Variants in PI4KA observed in about 807,000 individuals in gnomAD.
The protein encoded by PI4KA is PI4-kinase alpha.
PI4KA carries 122 observed loss-of-function variants against 271.4 expected under a neutral mutation model. That is an observed-to-expected ratio of 0.45 (90% CI 0.39 to 0.52). The LOEUF (loss-of-function observed/expected upper bound fraction) is 0.52. PI4KA is among the 20% of genes least tolerant of loss of function. The pLI is 0.00. For missense variants in PI4KA, 1,969 were observed against 2,769.1 expected, an observed-to-expected ratio of 0.71 and a Z score of 6.48; for synonymous variants, 1,041 against 1,078.8, an observed-to-expected ratio of 0.96 and a Z score of 0.69.
intron 1 of PI4KA, among the ~76,000 whole-genome samples, chr22:20,856,643 A>G (rs1305896881): frequency 6.6e-6 from 1 of 152,084 alleles, no homozygotes; most frequent in African/African-American, 2.4e-5. Context: ...CATGTTGGCC[A>G]GGCTGGTCTC....
At chr22:20,710,415 G>T (rs1363155220) in intron 52 of PI4KA, 43 of 553,340 alleles carry the variant, frequency 7.8e-5, no homozygotes, top group Non-Finnish European at 1.1e-4. Flanking sequence ...GGTGGCAGGT[G>T]CTCAGGCTTT....
At chr22:20,725,690 T>C (rs1356135377) in intron 42 of PI4KA, 8 of 328,838 alleles carry the variant, frequency 2.4e-5, no homozygotes, top group Non-Finnish European at 4.5e-5. Flanking sequence ...AGCTCAGGAG[T>C]TTGAGACCAG....
intron 42 of PI4KA, among the ~76,000 whole-genome samples, chr22:20,723,146 G>A (rs1406964909): frequency 3.3e-5 from 5 of 150,918 alleles, no homozygotes; most frequent in East Asian, 4.0e-4. Flanking sequence ...TCAGCCTCCC[G>A]AGTAGCTGGG....
At chr22:20,750,828 G>C (rs1404583165) in intron 27 of PI4KA, among the ~76,000 whole-genome samples, 2 of 152,202 alleles carry the variant, frequency 1.3e-5, no homozygotes, top group Non-Finnish European at 1.5e-5. Flanking sequence ...GAGAGACCCA[G>C]TACATCCTCC....
In PI4KA at chr22:20,799,709, G is replaced by A. The variant is rs1935190244; in HGVS notation, c.1782C>T (p.Ser594=). Residue 594 remains serine (S), a synonymous_variant, in exon 15 of 55, where the codon AGC becomes AGT. Coordinates refer to ENST00000255882, the MANE Select transcript of PI4KA (RefSeq NM_058004.4). ...DPVIVEAFLA[S]LSNRLYISQE... ...GAGAGATGTAGAGCCGGTTGGACAG[G>A]CTGGCCAAGAACGCCTCCACAATCA... The A allele has an allele frequency of 2.6e-6, 4 of 1,553,070 alleles. No homozygotes were observed. The East Asian group carries it at 9.7e-5, about 38-fold the overall frequency.
At chr22:20,723,708 G>A (rs1927017093) in intron 42 of PI4KA, among the ~76,000 whole-genome samples, 1 of 152,048 alleles carries the variant, frequency 6.6e-6, no homozygotes, top group East Asian at 2.0e-4. Context: ...GTACACGCTT[G>A]TAATCCTAGC....
At chr22:20,796,608 T>C (rs369249568) in intron 17 of PI4KA, among the ~76,000 whole-genome samples, 12 of 152,252 alleles carry the variant, frequency 7.9e-5, no homozygotes, top group African/African-American at 2.9e-4. Context: ...TGGGTACCTG[T>C]GAGGGTCTCA....
chr22:20,714,085 G>A (rs1354890442), intron 47 of PI4KA, among the ~76,000 whole-genome samples: 3 of 152,196 alleles, frequency 2.0e-5, no homozygotes, highest in Admixed American at 2.0e-4. Flanking sequence ...GAGGCAAGGT[G>A]TGACCTGCCC....
chr22:20,779,996 G>A (rs190646786), intron 19 of PI4KA: 2 of 1,614,146 alleles, frequency 1.2e-6, no homozygotes, highest in Admixed American at 1.7e-5. Context: ...ATATCCAGAA[G>A]CAGTTTCCAA....
chr22:20,750,122 C>A, intron 27 of PI4KA, 128 bp from the exon 28 acceptor site: 1 of 651,240 alleles, frequency 1.5e-6, no homozygotes, highest in South Asian at 1.7e-5. Flanking sequence ...ACCAGTACCT[C>A]AGAGTGGAAC....
chr22:20,765,150 G>T lies in PI4KA; in HGVS notation c.2524C>A (p.Arg842=). 2 of 1,613,756 alleles carry T rather than the reference G, an allele frequency of 1.2e-6. No individual in the cohort carries two copies. Among genetic ancestry groups the T allele is most frequent in the Non-Finnish European group, 1.7e-6 (2 of 1,179,714 alleles). Residue 842 remains arginine, a synonymous_variant, in exon 21 of 55, where the codon CGG becomes AGG. Coordinates refer to ENST00000255882, the MANE Select transcript of PI4KA (RefSeq NM_058004.4). ...GCTGAGTTATACTGGAGGACGGACCGCAGTGGCTCCTTGCTGGGAAAGGTG... is the reference window on the plus strand; with the variant it reads ...GCTGAGTTATACTGGAGGACGGACCTCAGTGGCTCCTTGCTGGGAAAGGTG... ...LLTFPSKEPL[R]SVLQYNSAMK...
intron 30 of PI4KA, among the ~76,000 whole-genome samples, chr22:20,743,602 T>C (rs1012322815): frequency 2.0e-5 from 3 of 152,180 alleles, no homozygotes; most frequent in Non-Finnish European, 4.4e-5. Context: ...ATTACTGGCG[T>C]GAGCCACTGT....
In PI4KA at chr22:20,853,898, G is replaced by GAC. The variant is rs1927283003; in HGVS notation, c.156+4670_156+4671dup. On this transcript the variant is annotated intron_variant, in intron 1 of 54. Coordinates refer to ENST00000255882, the MANE Select transcript of PI4KA (RefSeq NM_058004.4). ...GAGACCAGCTTGGGCAAGATGGTGAGACCCCCATCTCTAATTAAATAAAAA... is the reference window on the plus strand; with the variant it reads ...GAGACCAGCTTGGGCAAGATGGTGAGACACCCCCATCTCTAATTAAATAAAAA... Among the ~76,000 whole-genome samples the GAC allele has an allele frequency of 2.0e-5, 3 of 149,878 alleles. 1 individual carries two copies. The South Asian group carries it at 6.3e-4, about 31-fold the overall frequency.
At chr22:20,718,430 A>C (rs1429256738) in intron 44 of PI4KA, among the ~76,000 whole-genome samples, 1 of 152,330 alleles carries the variant, frequency 6.6e-6, no homozygotes, top group South Asian at 2.1e-4. Context: ...CACAAACCTC[A>C]GGAATGAAAC....
At chr22:20,816,739 C>T (rs1348835915) in intron 7 of PI4KA, among the ~76,000 whole-genome samples, 4 of 152,210 alleles carry the variant, frequency 2.6e-5, no homozygotes, top group African/African-American at 4.8e-5. Flanking sequence ...GAGCAGGGCT[C>T]GCTTGTCTCG....
rs751809013 is a variant in PI4KA, at chr22:20,805,209, G to A, written c.1169-44C>T. ...CATCACAGCTGGGAACAAAACTACA[G>A]TAGAACACAGGCAGTGCTAGCAGCG... On this transcript the variant is annotated intron_variant, in intron 10 of 54. Coordinates refer to ENST00000255882, the MANE Select transcript of PI4KA (RefSeq NM_058004.4). 9.5e-6 allele frequency: 13 copies of A among 1,362,970 alleles called. No individual in the cohort carries two copies. In the South Asian group the frequency reaches 1.2e-4, roughly 13 times the overall value. The allele number at this position is 1,362,970 out of a possible 1,614,324, so 84.4% of individuals were successfully genotyped here.
chr22:20,717,915 C>T (rs564022721), intron 44 of PI4KA, 137 bp from the exon 45 acceptor site: 7 of 659,950 alleles, frequency 1.1e-5, no homozygotes, highest in Middle Eastern at 4.1e-4. Flanking sequence ...CGCAGCCAGG[C>T]ACCACTGGCA....
At position 20,749,904 on chromosome 22, in the gene PI4KA, C is replaced by A; in HGVS notation, c.3243+1G>T. The stretch of plus-strand genomic sequence containing the variant: ...AATTGCCTTTTGATGGTTTCAAGTA[C>A]CTGCAGGTGGGACTTGGTGACGGTA... On this transcript the variant is annotated splice_donor_variant, in intron 28 of 54. Coordinates refer to ENST00000255882, the MANE Select transcript of PI4KA (RefSeq NM_058004.4). LOFTEE classifies it high-confidence loss of function. The A allele has an allele frequency of 6.3e-7, 1 of 1,591,908 alleles. No individual in the cohort carries two copies. The highest frequency in any genetic ancestry group is 1.1e-5 in the South Asian group (1 of 90,600).
At chr22:20,817,403 A>C (rs957451943) in intron 7 of PI4KA, among the ~76,000 whole-genome samples, 2 of 152,084 alleles carry the variant, frequency 1.3e-5, no homozygotes, top group African/African-American at 4.8e-5. Context: ...AATTCAGTAA[A>C]TTATGTAAAA....
Sources: gnomAD v4.1 joint callset for allele counts (sites outside exome capture counted in the v4.1 genomes callset) on GRCh38, gnomAD v4.1.1 for gene constraint, MANE v1.5 for transcripts, NCBI Gene and HGNC (gene_info 2026-07-23, HGNC 2026-07-21) for gene names.